The following NFXL1 variants were observed in gnomAD, a reference collection of about 807,000 sequenced individuals.
NFXL1 encodes NF-X1-type zinc finger protein NFXL1.
In NFXL1, 66 loss-of-function variants were observed where a neutral mutation model predicts 123.3. The observed-to-expected ratio is 0.54, with a 90% CI of 0.44 to 0.66. The LOEUF (loss-of-function observed/expected upper bound fraction) is 0.66, where lower values mean the gene tolerates loss of function less well. Ranked by LOEUF, NFXL1 falls within the 30% of genes least tolerant of loss-of-function variation. The pLI is 0.00. For synonymous variants in NFXL1, 346 were observed against 360.8 expected, an observed-to-expected ratio of 0.96 and a Z score of 0.46; for missense variants, 944 against 1,125.6, an observed-to-expected ratio of 0.84 and a Z score of 2.31.
intron 15 of NFXL1, among the ~76,000 whole-genome samples, chr4:47,882,009 C>T (rs1736142139): frequency 6.6e-6 from 1 of 152,138 alleles, no homozygotes; most frequent in African/African-American, 2.4e-5. Flanking sequence ...CCATACAACA[C>T]AGAAAGTAAA....
Position 47,894,179 on chromosome 4 carries a change from C to T in NFXL1, c.1452+1G>A. ...GAGGTTTCCAAGGTTAATACACAAA[C>T]CTTTCTTCTACATTGATGCTTCTGA... On this transcript the variant is annotated splice_donor_variant, in intron 11 of 22. Coordinates refer to ENST00000507489, the MANE Select transcript of NFXL1 (RefSeq NM_001278624.2). LOFTEE classifies it high-confidence loss of function. 1 of 1,595,240 alleles carries T rather than the reference C, an allele frequency of 6.3e-7. No individual in the cohort carries two copies. The highest frequency in any genetic ancestry group is 8.5e-7 in the Non-Finnish European group (1 of 1,171,218).
chr4:47,886,349 A>G (rs751573508), intron 12 of NFXL1, among the ~76,000 whole-genome samples: 15 of 152,016 alleles, frequency 9.9e-5, no homozygotes, highest in Non-Finnish European at 1.9e-4. Flanking sequence ...AACAAGCTGT[A>G]TACTTTTTAT....
Position 47,879,055 on chromosome 4 carries a change from T to C in NFXL1, c.1938+41A>G, listed in dbSNP as rs1248535939. On this transcript the variant is annotated intron_variant, in intron 16 of 22. Transcript: ENST00000507489. ...AAAGTTATACTAGTATGTAACAGTA[T>C]AGATTATAAGCTTTACTTAAAAATT... The C allele has an allele frequency of 6.7e-6, 8 of 1,191,286 alleles. No individual in the cohort carries two copies. The Admixed American group carries it at 1.5e-4, about 22-fold the overall frequency. 73.8% of individuals were successfully genotyped at this position (1,191,286 alleles called of 1,614,324 possible).
At chr4:47,889,050 T>A (rs1736618546) in intron 12 of NFXL1, among the ~76,000 whole-genome samples, 1 of 152,222 alleles carries the variant, frequency 6.6e-6, no homozygotes, top group East Asian at 1.9e-4. Flanking sequence ...AGTATGATAT[T>A]TGCTCTAAAC....
chr4:47,876,966 T>TAA, intron 17 of NFXL1: 1 of 654,150 alleles, frequency 1.5e-6, no homozygotes, highest in Non-Finnish European at 2.3e-6. Context: ...ACTGAGCAAA[T>TAA]ATTAGGCAGT....
chr4:47,877,675 C>T (rs960542609), intron 17 of NFXL1, among the ~76,000 whole-genome samples: 6 of 151,910 alleles, frequency 3.9e-5, no homozygotes, highest in African/African-American at 1.5e-4. Context: ...AATACATTTA[C>T]ACATGTTTGC....
chr4:47,865,433 C>T (rs1734996629), intron 18 of NFXL1, among the ~76,000 whole-genome samples: 1 of 150,574 alleles, frequency 6.6e-6, no homozygotes, highest in Non-Finnish European at 1.5e-5. Context: ...ATCCCACGAC[C>T]ACAGCACAAC....
chr4:47,853,665 T>C (rs1292852521), intron 20 of NFXL1, among the ~76,000 whole-genome samples: 2 of 152,068 alleles, frequency 1.3e-5, no homozygotes, highest in African/African-American at 2.4e-5. Flanking sequence ...TATATATACA[T>C]TGCCACAGCC....
intron 21 of NFXL1, 58 bp downstream of exon 21, chr4:47,851,798 C>A: frequency 3.5e-6 from 4 of 1,127,408 alleles, no homozygotes; most frequent in South Asian, 1.3e-5. Flanking sequence ...TACATAAATG[C>A]ACAAAATAAG....
At chr4:47,906,777 G>C (rs925834861) in intron 3 of NFXL1, among the ~76,000 whole-genome samples, 2 of 152,188 alleles carry the variant, frequency 1.3e-5, no homozygotes, top group African/African-American at 4.8e-5. Context: ...ATTTATGTAA[G>C]ATTTCTTTGA....
At chr4:47,854,421 G>T (rs760116773) in intron 20 of NFXL1, among the ~76,000 whole-genome samples, 8 of 152,058 alleles carry the variant, frequency 5.3e-5, no homozygotes, top group Non-Finnish European at 1.2e-4. Context: ...AGAGAATTGA[G>T]AAAAAGACTA....
At position 47,914,399 on chromosome 4, in the gene NFXL1, A is replaced by G; in HGVS notation, c.-37T>C. 1.9e-6 allele frequency: 1 copy of G among 539,952 alleles called. No individual in the cohort carries two copies. The highest frequency in any genetic ancestry group is 3.3e-6 in the Non-Finnish European group (1 of 303,600). The allele number at this position is 539,952 out of a possible 1,614,324, so 33.4% of individuals were successfully genotyped here. On this transcript the variant is annotated 5_prime_UTR_variant, in exon 1 of 23. Coordinates refer to ENST00000507489, the MANE Select transcript of NFXL1 (RefSeq NM_001278624.2). ...AGTCCCCGCCAAGCCCGGGCTTTGGAGATGGACCGAAGAGGGGAGGGAGGA... is the reference window on the plus strand; with the variant it reads ...AGTCCCCGCCAAGCCCGGGCTTTGGGGATGGACCGAAGAGGGGAGGGAGGA...
rs527701913 is a variant in NFXL1, at chr4:47,887,408, AATT to A, written c.1544-1412_1544-1410del. Among the ~76,000 whole-genome samples the A allele has an allele frequency of 3.3e-4, 50 of 152,320 alleles. 2 individuals carry two copies. In the South Asian group the frequency reaches 9.9e-3, roughly 30 times the overall value. ...TTCCCTAAAACAAACACAAATTAAGAATTATAATTCAAATAATGAACACAGAAA... is the reference window on the plus strand; with the variant it reads ...TTCCCTAAAACAAACACAAATTAAGAATAATTCAAATAATGAACACAGAAA... On this transcript the variant is annotated intron_variant, in intron 12 of 22. Transcript: ENST00000507489.
chr4:47,866,179 CCAATCT>C (rs1318429361), intron 18 of NFXL1, among the ~76,000 whole-genome samples: 6 of 151,370 alleles, frequency 4.0e-5, no homozygotes, highest in Non-Finnish European at 8.8e-5. Context: ...ATTCAAGTAG[CCAATCT>C]TGGAAAGGCA....
Position 47,905,361 on chromosome 4 carries a change from A to G in NFXL1, c.407-15T>C, listed in dbSNP as rs769002623. The G allele has an allele frequency of 2.3e-6, 3 of 1,280,624 alleles. No individual in the cohort carries two copies. The highest frequency in any genetic ancestry group is 2.3e-5 in the East Asian group (1 of 42,996). 79.3% of individuals were successfully genotyped at this position (1,280,624 alleles called of 1,614,324 possible). ...TGTATCTCCATCTGGAAATTTAAAGATTGAAAATCTCACCCTAAACAACAT... is the reference window on the plus strand; with the variant it reads ...TGTATCTCCATCTGGAAATTTAAAGGTTGAAAATCTCACCCTAAACAACAT... On this transcript the variant is annotated splice_polypyrimidine_tract_variant and intron_variant, in intron 3 of 22. Coordinates refer to ENST00000507489, the MANE Select transcript of NFXL1 (RefSeq NM_001278624.2).
Position 47,885,593 on chromosome 4 carries a change from G to A in NFXL1, c.1729C>T (p.Pro577Ser), listed in dbSNP as rs1167005588. Residue 577 changes from proline (P) to serine (S), a missense_variant, in exon 14 of 23, where the codon CCA becomes TCA. Coordinates refer to ENST00000507489, the MANE Select transcript of NFXL1 (RefSeq NM_001278624.2). ...KHRCHFGSCP[P>S]CHQPCQKVLE... ...ACTTTTTGGCAAGGTTGATGACATG[G>A]TGGACAAGAACCAAAGTGACAGCGA... The A allele has an allele frequency of 1.6e-5, 26 of 1,613,590 alleles. No individual in the cohort carries two copies. The highest frequency in any genetic ancestry group is 2.1e-5 in the Non-Finnish European group (25 of 1,179,628).
intron 2 of NFXL1, among the ~76,000 whole-genome samples, chr4:47,912,900 C>G (rs2110112476): frequency 6.7e-6 from 1 of 149,528 alleles, no homozygotes; most frequent in African/African-American, 2.4e-5. Flanking sequence ...GTAGTCCCAG[C>G]TACTCGGGAG....
At chr4:47,848,851 T>C (rs1733959496) in intron 22 of NFXL1, among the ~76,000 whole-genome samples, 1 of 152,104 alleles carries the variant, frequency 6.6e-6, no homozygotes. Flanking sequence ...ATGGCGCCAC[T>C]GTACTCCAGC....
intron 5 of NFXL1, 28 bp downstream of exon 5, chr4:47,903,165 A>G (rs1483547219): frequency 4.6e-6 from 7 of 1,517,978 alleles, no homozygotes; most frequent in Non-Finnish European, 6.2e-6. Flanking sequence ...AAATAATAAT[A>G]ATAATCCAAC....
Sources: gnomAD v4.1 joint callset for allele counts (sites outside exome capture counted in the v4.1 genomes callset) on GRCh38, gnomAD v4.1.1 for gene constraint, MANE v1.5 for transcripts, NCBI Gene and HGNC (gene_info 2026-07-23, HGNC 2026-07-21) for gene names.